Variants in PMM2 observed in about 807,000 individuals in gnomAD.
PMM2 encodes mannose-6-phosphate isomerase.
A neutral mutation model predicts 33.2 loss-of-function variants in PMM2; 35 were observed. The observed-to-expected ratio is 1.06, with a 90% confidence interval of 0.81 to 1.40. PMM2 has a LOEUF of 1.40. Ranked by LOEUF, PMM2 falls within the 40% of genes most tolerant of loss-of-function variation. The probability of loss-of-function intolerance (pLI) is 0.00; values close to 1 mark genes in which losing one functional copy is unlikely to be tolerated. For synonymous variants in PMM2, 153 were observed against 114.7 expected (o/e 1.33, Z -2.13); for missense variants, 386 against 306.0 (o/e 1.26, Z -1.95).
At chr16:8,847,344 C>T (rs2060933242) in intron 7 of PMM2, among the ~76,000 whole-genome samples, 1 of 147,358 alleles carries the variant, frequency 6.8e-6, no homozygotes, top group East Asian at 2.0e-4. Flanking sequence ...CCTGACGCTC[C>T]CTTGTGACTT....
chr16:8,833,884 G>A (rs1480356592), intron 7 of PMM2, among the ~76,000 whole-genome samples: 2 of 152,196 alleles, frequency 1.3e-5, no homozygotes, highest in African/African-American at 4.8e-5. Context: ...AGAGTTTAGA[G>A]TGGCAGTTTG....
At chr16:8,806,474 G>A (rs529757239) in intron 4 of PMM2, 67 bp downstream of exon 4, 1 of 938,204 alleles carries the variant, frequency 1.1e-6, no homozygotes, top group African/African-American at 1.6e-5. Context: ...GGGCTAATGT[G>A]GGCATTCTCC....
At chr16:8,832,276 G>C (rs535503823) in intron 7 of PMM2, 45 of 985,308 alleles carry the variant, frequency 4.6e-5, no homozygotes, top group South Asian at 2.3e-4. Context: ...ATGCTCCTGC[G>C]AGCCGTGCGG....
chr16:8,836,385 C>T (rs975443203), intron 7 of PMM2, among the ~76,000 whole-genome samples: 4 of 151,964 alleles, frequency 2.6e-5, no homozygotes, highest in African/African-American at 7.2e-5. Flanking sequence ...GTCTGATTTT[C>T]ATGGGGTCCC....
chr16:8,818,122 A>T lies in PMM2; in HGVS notation c.639+5016A>T, dbSNP rs773987231. Among the ~76,000 whole-genome samples the T allele has an allele frequency of 5.1e-4, 78 of 152,094 alleles. 1 individual carries two copies. The highest frequency in any genetic ancestry group is 2.2e-3 in the Admixed American group (33 of 15,264). ...GTTCACCATGTTAGCCAGGATGGTC[A>T]TGATCTCCTGACCTCGTGATCCGTC... is the stretch of plus-strand genomic sequence containing the variant. On this transcript the variant is annotated intron_variant, in intron 7 of 7. Coordinates refer to ENST00000268261, the MANE Select transcript of PMM2 (RefSeq NM_000303.3).
intron 1 of PMM2, among the ~76,000 whole-genome samples, chr16:8,801,588 C>T (rs557342058): frequency 9.1e-4 from 139 of 152,206 alleles, no homozygotes; most frequent in African/African-American, 3.2e-3. Flanking sequence ...GGAGGATCAC[C>T]GGAGTCCAGG....
Position 8,846,988 on chromosome 16 carries a change from C to A in PMM2, c.640-736C>A, listed in dbSNP as rs531273014. The stretch of plus-strand genomic sequence containing the variant: ...AAGCAATTCTCCTGCCTCAGCCTCC[C>A]GAGCAGCTGGGATTTCAGACGTGCG... On this transcript the variant is annotated intron_variant, in intron 7 of 7. Coordinates refer to ENST00000268261, the MANE Select transcript of PMM2 (RefSeq NM_000303.3). Among the ~76,000 whole-genome samples, 14 of 152,180 alleles carry A rather than the reference C, an allele frequency of 9.2e-5. No homozygotes were observed. The South Asian group carries it at 2.5e-3, about 27-fold the overall frequency.
intron 7 of PMM2, among the ~76,000 whole-genome samples, chr16:8,841,867 C>T (rs2060892949): frequency 6.7e-6 from 1 of 149,406 alleles, no homozygotes; most frequent in Admixed American, 6.7e-5. Context: ...GTGAGTACAG[C>T]TGAAGGAGCC....
At chr16:8,806,524 A>G in intron 4 of PMM2, 117 bp downstream of exon 4, 1 of 756,158 alleles carries the variant, frequency 1.3e-6, no homozygotes, top group East Asian at 2.6e-5. Flanking sequence ...TTTTAAAAAC[A>G]AAGTCTGATA....
chr16:8,827,968 T>C (rs1228658258), intron 7 of PMM2, among the ~76,000 whole-genome samples: 3 of 128,298 alleles, frequency 2.3e-5, no homozygotes, highest in African/African-American at 8.6e-5. Context: ...TAAATTTATA[T>C]ATATATATAA....
At chr16:8,831,266 A>G (rs2060808177) in intron 7 of PMM2, among the ~76,000 whole-genome samples, 1 of 152,244 alleles carries the variant, frequency 6.6e-6, no homozygotes, top group African/African-American at 2.4e-5. Flanking sequence ...GATCTCTTTC[A>G]CTGTTAACAT....
chr16:8,843,552 T>C (rs2060904568), intron 7 of PMM2, among the ~76,000 whole-genome samples: 1 of 152,026 alleles, frequency 6.6e-6, no homozygotes, highest in Non-Finnish European at 1.5e-5. Context: ...AGCAAGCTCC[T>C]GGGGGAGGAG....
intron 7 of PMM2, chr16:8,832,995 T>G (rs1179571307): frequency 1.8e-6 from 1 of 547,094 alleles, no homozygotes; most frequent in Non-Finnish European, 2.3e-6. Context: ...GGTTTTGGTT[T>G]GCGCCGTATC....
At chr16:8,827,882 AATATATGAT>A (rs373720919) in intron 7 of PMM2, among the ~76,000 whole-genome samples, 28,430 of 105,270 alleles carry the variant, frequency 0.27, 3,824 homozygotes, top group South Asian at 0.36. Context: ...TATGTTATAT[AATATATGAT>A]ATATATGATA....
intron 7 of PMM2, among the ~76,000 whole-genome samples, chr16:8,828,830 A>G (rs576830083): frequency 6.6e-6 from 1 of 152,240 alleles, no homozygotes; most frequent in East Asian, 1.9e-4. Context: ...TCCAGCTACT[A>G]AAGCAATGCT....
At chr16:8,843,005 T>TGC (rs1210650747) in intron 7 of PMM2, among the ~76,000 whole-genome samples, 1 of 151,984 alleles carries the variant, frequency 6.6e-6, no homozygotes, top group Non-Finnish European at 1.5e-5. Context: ...GGCAATGAGA[T>TGC]GCGGCTGTAG....
At chr16:8,802,403 A>G (rs1323512373) in intron 2 of PMM2, 1 of 411,682 alleles carries the variant, frequency 2.4e-6, no homozygotes, top group Non-Finnish European at 4.8e-6. Context: ...AGTACCTCTG[A>G]GAGATTCTAG....
intron 7 of PMM2, among the ~76,000 whole-genome samples, chr16:8,839,795 G>A (rs2060877046): frequency 6.6e-6 from 1 of 151,778 alleles, no homozygotes. Flanking sequence ...GAATTCCAGT[G>A]GGTCTTTGCC....
intron 7 of PMM2, among the ~76,000 whole-genome samples, chr16:8,816,759 G>A (rs1567161815): frequency 6.6e-6 from 1 of 152,072 alleles, no homozygotes; most frequent in African/African-American, 2.4e-5. Context: ...TAAAATAAAT[G>A]TTGGCGAGGG....
Sources: gnomAD v4.1 joint callset for allele counts (sites outside exome capture counted in the v4.1 genomes callset) on GRCh38, gnomAD v4.1.1 for gene constraint, MANE v1.5 for transcripts, NCBI Gene and HGNC (gene_info 2026-07-23, HGNC 2026-07-21) for gene names.